Variants in NEGR1 observed in about 807,000 individuals in gnomAD.
The protein encoded by NEGR1 is neuronal growth regulator 1.
In NEGR1, 10 loss-of-function variants were observed where a neutral mutation model predicts 40.9. The ratio of observed to expected loss-of-function variants is 0.24; its 90% CI spans 0.15 to 0.42. The LOEUF (loss-of-function observed/expected upper bound fraction) is 0.42. NEGR1 is among the 10% of genes least tolerant of loss of function. NEGR1 has a pLI of 1.00. For synonymous variants in NEGR1, 185 were observed against 166.8 expected (o/e 1.11, Z -0.84); for missense variants, 352 against 438.9 (o/e 0.80, Z 1.77).
At chr1:71,888,035 A>ACACACC (rs1660776936) in intron 2 of NEGR1, among the ~76,000 whole-genome samples, 1 of 141,796 alleles carries the variant, frequency 7.1e-6, no homozygotes, top group Non-Finnish European at 1.6e-5. Flanking sequence ...ACACACACAC[A>ACACACC]CCTCTAGAAT....
chr1:71,407,226 T>TA lies in NEGR1; in HGVS notation c.*219dup, dbSNP rs796980896. ...AAGTAATTTCAGAGCTTTCACGTCTTAAAAAAAGGACAATGTGTACTGCTT... is the reference window on the plus strand; with the variant it reads ...AAGTAATTTCAGAGCTTTCACGTCTTAAAAAAAAGGACAATGTGTACTGCTT... On this transcript the variant is annotated 3_prime_UTR_variant, in exon 7 of 7. Transcript: ENST00000357731. The TA allele has an allele frequency of 2.4e-5, 9 of 367,558 alleles. No individual in the cohort carries two copies. The highest frequency in any genetic ancestry group is 1.3e-4 in the African/African-American group (6 of 47,758). The allele number at this position is 367,558 out of a possible 1,614,324, so 22.8% of individuals were successfully genotyped here.
intron 2 of NEGR1, among the ~76,000 whole-genome samples, chr1:71,855,520 G>T (rs1659732533): frequency 6.6e-6 from 1 of 151,930 alleles, no homozygotes; most frequent in Non-Finnish European, 1.5e-5. Flanking sequence ...ATTGGCATTT[G>T]GAAGATGTTG....
At chr1:71,714,142 C>A (rs1654196692) in intron 3 of NEGR1, among the ~76,000 whole-genome samples, 1 of 152,088 alleles carries the variant, frequency 6.6e-6, no homozygotes, top group Non-Finnish European at 1.5e-5. Flanking sequence ...GACCTCTTCA[C>A]AGGGAGGAAG....
intron 3 of NEGR1, among the ~76,000 whole-genome samples, chr1:71,717,275 G>A (rs1201297753): frequency 1.3e-5 from 2 of 152,184 alleles, no homozygotes; most frequent in Non-Finnish European, 2.9e-5. Context: ...TTTCAACTGG[G>A]TATCAGAAAA....
chr1:72,020,370 C>G (rs558515375), intron 1 of NEGR1, among the ~76,000 whole-genome samples: 2 of 152,104 alleles, frequency 1.3e-5, no homozygotes, highest in Non-Finnish European at 2.9e-5. Flanking sequence ...GACTTATCTT[C>G]CATAACGTCA....
intron 6 of NEGR1, chr1:71,487,960 C>A (rs937995193): frequency 1.3e-5 from 2 of 151,750 alleles, no homozygotes; most frequent in African/African-American, 4.8e-5. Context: ...GCTTTTCCAA[C>A]AACCTTCTGA....
intron 6 of NEGR1, among the ~76,000 whole-genome samples, chr1:71,521,302 A>G (rs1367900708): frequency 6.6e-6 from 1 of 152,024 alleles, no homozygotes; most frequent in African/African-American, 2.4e-5. Flanking sequence ...TACCCCGTTT[A>G]TAGGAAACTC....
At chr1:72,007,024 T>C (rs932155984) in intron 1 of NEGR1, among the ~76,000 whole-genome samples, 2 of 152,178 alleles carry the variant, frequency 1.3e-5, no homozygotes, top group Admixed American at 6.5e-5. Flanking sequence ...TAATAAGGTC[T>C]AATACCATTC....
At chr1:72,082,566 A>G (rs1022976918) in intron 1 of NEGR1, among the ~76,000 whole-genome samples, 4 of 152,128 alleles carry the variant, frequency 2.6e-5, no homozygotes, top group South Asian at 2.1e-4. Flanking sequence ...GAAATCTTCA[A>G]TCTTTTATCC....
chr1:71,800,227 T>C (rs987933895), intron 2 of NEGR1, among the ~76,000 whole-genome samples: 3 of 152,188 alleles, frequency 2.0e-5, no homozygotes, highest in African/African-American at 7.2e-5. Context: ...GTTTAAGTTC[T>C]CTGCAGATTC....
intron 5 of NEGR1, among the ~76,000 whole-genome samples, chr1:71,599,916 C>A (rs969251527): frequency 6.6e-6 from 1 of 152,154 alleles, no homozygotes; most frequent in African/African-American, 2.4e-5. Flanking sequence ...GTATCCCTGG[C>A]AACCTGGCCT....
intron 6 of NEGR1, among the ~76,000 whole-genome samples, chr1:71,430,101 C>T (rs567994196): frequency 6.6e-6 from 1 of 152,268 alleles, no homozygotes; most frequent in Non-Finnish European, 1.5e-5. Flanking sequence ...TGCTCATGGC[C>T]TGGTACTGCA....
In NEGR1 at chr1:71,662,968, C is replaced by CT. The variant is rs201080252; in HGVS notation, c.667+35039dup. 8.2e-3 allele frequency among the ~76,000 whole-genome samples: 1,208 copies of CT among 147,056 alleles called. 45 individuals carry two copies. Among genetic ancestry groups the CT allele is most frequent in the Admixed American group, 0.065 (969 of 14,862 alleles). On this transcript the variant is annotated intron_variant, in intron 4 of 6. Transcript: ENST00000357731. ...GTTTTTTAGTGTTTTTTTTTTCTTTCTTTTTTGAGACGGGGTCTCGTTCTG... is the reference window on the plus strand; with the variant it reads ...GTTTTTTAGTGTTTTTTTTTTCTTTCTTTTTTTGAGACGGGGTCTCGTTCTG...
intron 2 of NEGR1, among the ~76,000 whole-genome samples, chr1:71,901,449 T>C (rs1661140335): frequency 6.6e-6 from 1 of 152,130 alleles, no homozygotes; most frequent in African/African-American, 2.4e-5. Context: ...GCTGAATCTC[T>C]AGCTTTTACA....
intron 1 of NEGR1, among the ~76,000 whole-genome samples, chr1:72,181,659 G>A (rs988217275): frequency 2.6e-5 from 4 of 152,094 alleles, no homozygotes; most frequent in Admixed American, 6.6e-5. Flanking sequence ...ATAGCCTAGA[G>A]AGGGAAGCAA....
At chr1:71,513,790 T>A (rs1647094576) in intron 6 of NEGR1, among the ~76,000 whole-genome samples, 1 of 151,408 alleles carries the variant, frequency 6.6e-6, no homozygotes, top group African/African-American at 2.4e-5. Context: ...GACGGGTGAT[T>A]TCTGCATTTC....
At chr1:71,829,162 A>T (rs1331436921) in intron 2 of NEGR1, among the ~76,000 whole-genome samples, 1 of 151,942 alleles carries the variant, frequency 6.6e-6, no homozygotes, top group Non-Finnish European at 1.5e-5. Context: ...GTTGGCTATT[A>T]TATGAAATCA....
intron 2 of NEGR1, among the ~76,000 whole-genome samples, chr1:71,864,227 AGTT>A (rs1180165242): frequency 6.6e-6 from 1 of 152,132 alleles, no homozygotes; most frequent in Non-Finnish European, 1.5e-5. Flanking sequence ...AGTGATCTGC[AGTT>A]GTTAAGACTG....
At chr1:71,646,752 A>G (rs998997081) in intron 4 of NEGR1, among the ~76,000 whole-genome samples, 1 of 151,798 alleles carries the variant, frequency 6.6e-6, no homozygotes, top group Non-Finnish European at 1.5e-5. Context: ...GAGAAAACTG[A>G]TCTTTTTTTA....
Sources: gnomAD v4.1 joint callset for allele counts (sites outside exome capture counted in the v4.1 genomes callset) on GRCh38, gnomAD v4.1.1 for gene constraint, MANE v1.5 for transcripts, NCBI Gene and HGNC (gene_info 2026-07-23, HGNC 2026-07-21) for gene names.